The following CYFIP2 variants were observed in gnomAD, a reference collection of about 807,000 sequenced individuals.
The protein encoded by CYFIP2 is cytoplasmic FMR1 interacting protein 2, also known as cytoplasmic FMR1-interacting protein 2.
A neutral mutation model predicts 158.7 loss-of-function variants in CYFIP2; 29 were observed. The ratio of observed to expected loss-of-function variants is 0.18; its 90% confidence interval spans 0.14 to 0.25. CYFIP2 has a LOEUF of 0.25. CYFIP2 is among the 10% of genes least tolerant of loss of function. The probability of loss-of-function intolerance (pLI) is 1.00; values close to 1 mark genes in which losing one functional copy is unlikely to be tolerated. For synonymous variants in CYFIP2, 585 were observed against 617.6 expected (o/e 0.95, Z 0.78); for missense variants, 852 against 1,639.5 (o/e 0.52, Z 8.29).
Position 157,307,636 on chromosome 5 carries a change from G to GGT in CYFIP2, c.796-106_796-105dup, listed in dbSNP as rs144622623. 1.9e-3 allele frequency: 806 copies of GGT among 428,340 alleles called. 3 individuals carry two copies. Among genetic ancestry groups the GGT allele is most frequent in the African/African-American group, 8.8e-3 (426 of 48,342 alleles). 26.5% of individuals were successfully genotyped at this position (428,340 alleles called of 1,614,324 possible). A position where few individuals can be genotyped will look rare whatever the true frequency, so the allele number is the denominator to read the frequency against. ...CATAATATAATGTGTGTCTCTACAG[G>GGT]GTGTGTGTGTGTGTGTGTGTATGTG... On this transcript the variant is annotated intron_variant, in intron 8 of 30. Transcript: ENST00000620254.
At chr5:157,328,326 C>T (rs1227944405) in intron 19 of CYFIP2, among the ~76,000 whole-genome samples, 2 of 152,200 alleles carry the variant, frequency 1.3e-5, no homozygotes, top group Non-Finnish European at 2.9e-5. Flanking sequence ...GAGGGAAAAG[C>T]TCATGGGAAT....
intron 1 of CYFIP2, among the ~76,000 whole-genome samples, chr5:157,268,135 C>T (rs1755770031): frequency 6.6e-6 from 1 of 152,224 alleles, no homozygotes; most frequent in Non-Finnish European, 1.5e-5. Context: ...AAAGTCAGTG[C>T]CTCTAGCTAG....
rs2289850 is a variant in CYFIP2, at chr5:157,326,276, T to C, written c.2079+9T>C. ...ATGAGATAGAAGCTGAGGCAAGTGA[T>C]GTGCTTCTCTTTTTGCTCCTTTAAT... On this transcript the variant is annotated intron_variant, in intron 18 of 30. Coordinates refer to ENST00000620254, the MANE Select transcript of CYFIP2 (RefSeq NM_001037333.3). 121,304 of 1,605,680 alleles carry C rather than the reference T, an allele frequency of 0.076. 7,160 individuals are homozygous for C. The highest frequency in any genetic ancestry group is 0.24 in the East Asian group (10,615 of 44,816).
chr5:157,379,595 C>T (rs72809235), intron 26 of CYFIP2, among the ~76,000 whole-genome samples: 12,273 of 137,554 alleles, frequency 0.089, 567 homozygotes, highest in South Asian at 0.21. Context: ...CACCTAAACC[C>T]AGAAGGTCAA....
chr5:157,278,766 G>A (rs1337115810), intron 1 of CYFIP2, among the ~76,000 whole-genome samples: 2 of 152,106 alleles, frequency 1.3e-5, no homozygotes, highest in East Asian at 1.9e-4. Context: ...AATGTTAAAC[G>A]AAAGTATGGG....
At chr5:157,270,274 T>G (rs1420937993) in intron 1 of CYFIP2, among the ~76,000 whole-genome samples, 1 of 152,258 alleles carries the variant, frequency 6.6e-6, no homozygotes, top group East Asian at 1.9e-4. Context: ...GTGTTTAGTC[T>G]GTCCATGTTC....
At chr5:157,331,466 CTGTGACGTCTG>C (rs1445883243) in intron 20 of CYFIP2, among the ~76,000 whole-genome samples, 1 of 150,860 alleles carries the variant, frequency 6.6e-6, no homozygotes, top group Non-Finnish European at 1.5e-5. Context: ...GGCCTTTATG[CTGTGACGTCTG>C]TGTGCTTATT....
chr5:157,284,175 C>T (rs1034482880), intron 1 of CYFIP2, among the ~76,000 whole-genome samples: 1 of 152,148 alleles, frequency 6.6e-6, no homozygotes, highest in East Asian at 1.9e-4. Flanking sequence ...CCTCTGTTCT[C>T]ATTTCTCTGG....
intron 1 of CYFIP2, among the ~76,000 whole-genome samples, chr5:157,275,197 G>A (rs1010880945): frequency 1.3e-5 from 2 of 152,032 alleles, no homozygotes; most frequent in African/African-American, 4.8e-5. Flanking sequence ...TTGATGTTTA[G>A]TTTATTTTTT....
At chr5:157,308,514 C>T (rs1011087041) in intron 9 of CYFIP2, among the ~76,000 whole-genome samples, 1 of 152,142 alleles carries the variant, frequency 6.6e-6, no homozygotes, top group Non-Finnish European at 1.5e-5. Flanking sequence ...ATTAACTTCC[C>T]ATGTTCTCAG....
At chr5:157,375,726 G>A (rs1162354430) in intron 26 of CYFIP2, 1 of 151,542 alleles carries the variant, frequency 6.6e-6, no homozygotes, top group Non-Finnish European at 1.5e-5. Context: ...TATGGCCCAG[G>A]GAAGCCAAAA....
rs778679960 is a variant in CYFIP2 at position 157,382,655 on chromosome 5, C to T, written c.3105C>T (p.Tyr1035=). The change falls in exon 27 of 31, where the codon TAC becomes TAT. Residue 1035 remains tyrosine (Y), a synonymous_variant. Coordinates refer to ENST00000620254, the MANE Select transcript of CYFIP2 (RefSeq NM_001037333.3). ...APFQNILPRV[Y]IKEGERLEVR... is the part of the protein sequence containing the mutation. ...TCCAAAACATCTTGCCTAGAGTCTA[C>T]ATCAAAGGTAAGAAACCACTACAGC... 1.2e-6 allele frequency: 2 copies of T among 1,613,904 alleles called. No individual in the cohort carries two copies. Among genetic ancestry groups the T allele is most frequent in the Admixed American group, 1.7e-5 (1 of 60,022 alleles).
chr5:157,386,384 A>AT (rs201243746), intron 28 of CYFIP2, among the ~76,000 whole-genome samples: 18 of 150,056 alleles, frequency 1.2e-4, no homozygotes, highest in East Asian at 3.9e-4. Flanking sequence ...TACCTGGATA[A>AT]TTTTTTTTTT....
Position 157,311,357 on chromosome 5 carries a change from C to T in CYFIP2, c.993-307C>T. The T allele has an allele frequency of 2.4e-6, 1 of 421,682 alleles. No homozygotes were observed. Among genetic ancestry groups the T allele is most frequent in the Non-Finnish European group, 4.5e-6 (1 of 224,654 alleles). The allele number at this position is 421,682 out of a possible 1,614,324, so 26.1% of individuals were successfully genotyped here. ...GCTCAGATTCCATCCCTTTGTAGTC[C>T]TAGAGAGGCTGTGTTCCCGCCCCTC... On this transcript the variant is annotated intron_variant, in intron 10 of 30. Coordinates refer to ENST00000620254, the MANE Select transcript of CYFIP2 (RefSeq NM_001037333.3). The surrounding 1 kb of genome is among the most constrained non-coding windows in gnomAD (Gnocchi z 4.7).
intron 26 of CYFIP2, among the ~76,000 whole-genome samples, chr5:157,381,589 A>AT (rs1310653730): frequency 6.6e-6 from 1 of 151,506 alleles, no homozygotes; most frequent in Non-Finnish European, 1.5e-5. Context: ...GAAACTGAGA[A>AT]TGACAGTCAG....
intron 3 of CYFIP2, among the ~76,000 whole-genome samples, chr5:157,288,854 A>G (rs565207111): frequency 8.1e-4 from 123 of 152,322 alleles, no homozygotes; most frequent in Non-Finnish European, 1.5e-3. Flanking sequence ...TGTCATGGTA[A>G]AAGTTCAAAG....
intron 21 of CYFIP2, among the ~76,000 whole-genome samples, chr5:157,338,272 C>G (rs938462078): frequency 1.3e-5 from 2 of 152,258 alleles, no homozygotes; most frequent in African/African-American, 4.8e-5. Context: ...TCCCGGTCAT[C>G]ATGAGCTGAC....
intron 19 of CYFIP2, among the ~76,000 whole-genome samples, chr5:157,329,895 A>G (rs980754568): frequency 1.3e-5 from 2 of 152,208 alleles, no homozygotes; most frequent in African/African-American, 4.8e-5. Context: ...ACACCTAGCC[A>G]CTTTACTATG....
chr5:157,334,676 G>A (rs10036465), intron 21 of CYFIP2, among the ~76,000 whole-genome samples: 70,245 of 151,186 alleles, frequency 0.46, 18,107 homozygotes, highest in African/African-American at 0.71. Flanking sequence ...AACCCAAATC[G>A]AGTTCCATTT....
Sources: allele counts gnomAD v4.1 joint callset (sites outside exome capture counted in the v4.1 genomes callset), GRCh38; gene constraint gnomAD v4.1.1; non-coding constraint Gnocchi (gnomAD v3.1); transcripts MANE v1.5; gene names NCBI Gene and HGNC (gene_info 2026-07-23, HGNC 2026-07-21).